Variants in CHRNA4 observed in about 807,000 individuals in gnomAD.
The protein encoded by CHRNA4 is neuronal acetylcholine receptor subunit alpha-4.
Under a neutral mutation model 48.9 loss-of-function variants are expected in CHRNA4, and 28 were observed. The observed-to-expected ratio is 0.57, with a 90% CI of 0.42 to 0.79. CHRNA4 has a LOEUF of 0.79. Among genes scored for constraint, CHRNA4 ranks in the 30% least tolerant of loss-of-function variants. The probability of loss-of-function intolerance (pLI) is 0.00; values close to 1 mark genes in which losing one functional copy is unlikely to be tolerated. For synonymous variants in CHRNA4, 425 were observed against 402.3 expected (o/e 1.06, Z -0.68); for missense variants, 859 against 898.4 (o/e 0.96, Z 0.56).
rs746586749 is a variant in CHRNA4 at position 63,345,455 on chromosome 20, T to C, written c.*1283A>G. ...AGGGGAAGTGTGCCCCTGGGGACAC[T>C]GGGGGGCTGCCGGGTGCGCCATCTT... On this transcript the variant is annotated 3_prime_UTR_variant, in exon 6 of 6. Coordinates refer to ENST00000370263, the MANE Select transcript of CHRNA4 (RefSeq NM_000744.7). The surrounding 1 kb of genome is among the most constrained non-coding windows in gnomAD (Gnocchi z 5.4). 35 of 384,440 alleles carry C rather than the reference T, an allele frequency of 9.1e-5. No homozygotes were observed. Among genetic ancestry groups the C allele is most frequent in the Non-Finnish European group, 1.8e-4 (33 of 187,944 alleles). The allele number at this position is 384,440 out of a possible 1,614,324, so 23.8% of individuals were successfully genotyped here. A position where few individuals can be genotyped will look rare whatever the true frequency, so the allele number is the denominator to read the frequency against.
chr20:63,360,544 G>A (rs1488034314), intron 1 of CHRNA4, among the ~76,000 whole-genome samples: 1 of 152,154 alleles, frequency 6.6e-6, no homozygotes, highest in Non-Finnish European at 1.5e-5. Context: ...CCTCCCTGGT[G>A]GGTCCCGCTG....
chr20:63,356,742 C>T (rs2068724488), intron 2 of CHRNA4: 2 of 475,700 alleles, frequency 4.2e-6, no homozygotes, highest in African/African-American at 3.9e-5. Flanking sequence ...CTTGCTCCCT[C>T]CCGGCCCTTG....
At chr20:63,353,771 G>T (rs2068660019) in intron 4 of CHRNA4, among the ~76,000 whole-genome samples, 1 of 82,570 alleles carries the variant, frequency 1.2e-5, no homozygotes, top group Non-Finnish European at 2.6e-5. Context: ...TAGTCCTAGG[G>T]GGCTGCGGTC....
At chr20:63,359,913 G>GTGTGCCGGGCGTGCGC (rs1555840827) in intron 1 of CHRNA4, 3 of 519,444 alleles carry the variant, frequency 5.8e-6, no homozygotes, top group East Asian at 3.4e-5. Flanking sequence ...GTGTGTGTGT[G>GTGTGCCGGGCGTGCGC]TGTGTGTGTG....
chr20:63,361,194 C>A lies in CHRNA4; in HGVS notation c.-29G>T. The A allele has an allele frequency of 1.4e-6, 2 of 1,458,218 alleles. No homozygotes were observed. The highest frequency in any genetic ancestry group is 1.8e-6 in the Non-Finnish European group (2 of 1,108,168). 90.3% of individuals were successfully genotyped at this position (1,458,218 alleles called of 1,614,324 possible). A position where few individuals can be genotyped will look rare whatever the true frequency, so the allele number is the denominator to read the frequency against. ...GCACGCACCTCGCGGGCTCTAGATG[C>A]GGGCGGCTCCCGGCTCCCCGCCGCT... is the stretch of plus-strand genomic sequence containing the variant. On this transcript the variant is annotated 5_prime_UTR_variant, in exon 1 of 6. Coordinates refer to ENST00000370263, the MANE Select transcript of CHRNA4 (RefSeq NM_000744.7).
rs200165451 is a variant in CHRNA4 at position 63,343,924 on chromosome 20, C to T, written c.*2814G>A. ...GTCCACCCCCGGGAACTAACTGGCC[C>T]TAGGAGGAGCAGTCCTGGGTCTGAA... On this transcript the variant is annotated 3_prime_UTR_variant, in exon 6 of 6. Coordinates refer to ENST00000370263, the MANE Select transcript of CHRNA4 (RefSeq NM_000744.7). The T allele has an allele frequency of 6.6e-6, 3 of 454,010 alleles. No homozygotes were observed. The highest frequency in any genetic ancestry group is 4.4e-6 in the Non-Finnish European group (1 of 226,810). 28.1% of individuals were successfully genotyped at this position (454,010 alleles called of 1,614,324 possible).
At chr20:63,353,320 C>T (rs533841838) in intron 4 of CHRNA4, among the ~76,000 whole-genome samples, 1 of 152,290 alleles carries the variant, frequency 6.6e-6, no homozygotes, top group African/African-American at 2.4e-5. Context: ...CCGGAGAGAG[C>T]CTCGGTGACA....
At chr20:63,359,427 G>C in intron 2 of CHRNA4, 121 bp downstream of exon 2, 1 of 1,302,026 alleles carries the variant, frequency 7.7e-7, no homozygotes, top group Non-Finnish European at 1.1e-6. Flanking sequence ...GTACCAGCCC[G>C]GGCCGGACAC....
intron 2 of CHRNA4, 94 bp from the exon 3 acceptor site, chr20:63,356,509 G>A (rs910841147): frequency 2.5e-5 from 33 of 1,328,502 alleles, no homozygotes; most frequent in African/African-American, 4.4e-5. Context: ...ACAAGGACAC[G>A]GCCAGGGCAA....
At position 63,344,336 on chromosome 20, in the gene CHRNA4, G is replaced by A. The variant is rs565780113; in HGVS notation, c.*2402C>T. 8 of 453,380 alleles carry A rather than the reference G, an allele frequency of 1.8e-5. No homozygotes were observed. The highest frequency in any genetic ancestry group is 3.5e-5 in the Non-Finnish European group (8 of 226,456). 28.1% of individuals were successfully genotyped at this position (453,380 alleles called of 1,614,324 possible). A position where few individuals can be genotyped will look rare whatever the true frequency, so the allele number is the denominator to read the frequency against. ...CAGGAAGGGCTGGAGGGACCTTCTA[G>A]GGGCTGGGTCTCCACTGAAGAGCAT... On this transcript the variant is annotated 3_prime_UTR_variant, in exon 6 of 6. Coordinates refer to ENST00000370263, the MANE Select transcript of CHRNA4 (RefSeq NM_000744.7). This position sits in a 1 kb window ranked among gnomAD's most constrained non-coding sequence, Gnocchi z 4.5.
intron 4 of CHRNA4, chr20:63,354,404 C>T (rs1555839099): frequency 1.4e-5 from 2 of 140,250 alleles, no homozygotes; most frequent in African/African-American, 5.6e-5. Flanking sequence ...CTGCAGGAGG[C>T]ACTGTAGCCC....
At position 63,346,059 on chromosome 20, in the gene CHRNA4, C is replaced by T. The variant is rs762823039; in HGVS notation, c.*679G>A. 11 of 453,780 alleles carry T rather than the reference C, an allele frequency of 2.4e-5. No individual in the cohort carries two copies. The highest frequency in any genetic ancestry group is 6.8e-4 in the Middle Eastern group (1 of 1,462). The allele number at this position is 453,780 out of a possible 1,614,324, so 28.1% of individuals were successfully genotyped here. A position where few individuals can be genotyped will look rare whatever the true frequency, so the allele number is the denominator to read the frequency against. Reference sequence around the variant, plus strand: ...GAGAGCTGGTCCCGCGTGGGCCTCCCGATTCTCCCCACGCGGAACCAGCTC... The same window carrying T: ...GAGAGCTGGTCCCGCGTGGGCCTCCTGATTCTCCCCACGCGGAACCAGCTC... On this transcript the variant is annotated 3_prime_UTR_variant, in exon 6 of 6. Coordinates refer to ENST00000370263, the MANE Select transcript of CHRNA4 (RefSeq NM_000744.7).
In CHRNA4 at chr20:63,346,411, G is replaced by C. The variant is rs201864422; in HGVS notation, c.*327C>G. The C allele has an allele frequency of 1.9e-6, 1 of 527,674 alleles. No homozygotes were observed. The highest frequency in any genetic ancestry group is 1.9e-5 in the African/African-American group (1 of 52,718). 32.7% of individuals were successfully genotyped at this position (527,674 alleles called of 1,614,324 possible). A position where few individuals can be genotyped will look rare whatever the true frequency, so the allele number is the denominator to read the frequency against. ...CAGATCTGCTGAGAGACTGGGAGGA[G>C]TGAGTTCCATCTGCAGGGGAGCTCA... On this transcript the variant is annotated 3_prime_UTR_variant, in exon 6 of 6. Coordinates refer to ENST00000370263, the MANE Select transcript of CHRNA4 (RefSeq NM_000744.7).
intron 5 of CHRNA4, among the ~76,000 whole-genome samples, chr20:63,347,620 G>C (rs948176815): frequency 2.0e-5 from 3 of 152,212 alleles, no homozygotes; most frequent in Admixed American, 2.0e-4. Flanking sequence ...CGAGACAGCC[G>C]CTGTGTGCAG....
chr20:63,360,336 C>T (rs1049885512), intron 1 of CHRNA4, among the ~76,000 whole-genome samples: 1 of 152,086 alleles, frequency 6.6e-6, no homozygotes, highest in African/African-American at 2.4e-5. Context: ...CAGACCCCAA[C>T]GAGGTGCCAG....
At position 63,350,325 on chromosome 20, in the gene CHRNA4, G is replaced by A. The variant is rs74396179; in HGVS notation, c.1086C>T (p.Ser362=). The A allele has an allele frequency of 2.9e-5, 47 of 1,613,348 alleles. No homozygotes were observed. Among genetic ancestry groups the A allele is most frequent in the South Asian group, 2.1e-4 (19 of 91,082 alleles). ...VPRLLLMKRP[S]VVKDNCRRLI... Reference sequence around the variant, plus strand: ...GCCGCCGGCAATTGTCCTTGACCACGGACGGCCGCTTCATGAGGAGCAGGC... The same window carrying A: ...GCCGCCGGCAATTGTCCTTGACCACAGACGGCCGCTTCATGAGGAGCAGGC... The change falls in exon 5 of 6, where the codon TCC becomes TCT. Residue 362 remains serine (S), a synonymous_variant. Coordinates refer to ENST00000370263, the MANE Select transcript of CHRNA4 (RefSeq NM_000744.7).
rs752289948 is a variant in CHRNA4, at chr20:63,349,670, C to A, written c.1741G>T (p.Glu581Ter). Residue 581 changes from glutamate (E) to a stop codon, truncating the protein, a stop_gained, in exon 5 of 6, where the codon GAA becomes TAA. Transcript: ENST00000370263. LOFTEE classifies it high-confidence loss of function. Reference sequence around the variant, plus strand: ...GGACTTACCGAGAAGTCTGTGTCTTCGGCCTTCAGGTGGTCTGCAATGTAC... The same window carrying A: ...GGACTTACCGAGAAGTCTGTGTCTTAGGCCTTCAGGTGGTCTGCAATGTAC... ...VQYIADHLKA[E>*]DTDFSVKEDW... 6.2e-7 allele frequency: 1 copy of A among 1,612,840 alleles called. No individual in the cohort carries two copies. The highest frequency in any genetic ancestry group is 8.5e-7 in the Non-Finnish European group (1 of 1,179,882).
In CHRNA4 at chr20:63,349,717, G is replaced by A. The variant is rs1415550539; in HGVS notation, c.1694C>T (p.Thr565Ile). ...PPHLPLSPAL[T>I]RAVEGVQYIA... ...GTACTGGACGCCCTCCACCGCCCGG[G>A]TCAGGGCCGGCGACAGGGGCAGGTG... Residue 565 changes from threonine to isoleucine, a missense_variant, in exon 5 of 6, where the codon ACC becomes ATC. Thr to Ile is a moderately conservative substitution (Grantham distance 89). This residue lies in a region of CHRNA4 where 478 missense variants were observed against 455.4 expected (regional missense o/e 1.05). Transcript: ENST00000370263. The A allele has an allele frequency of 6.2e-7, 1 of 1,612,868 alleles. No individual in the cohort carries two copies. The highest frequency in any genetic ancestry group is 1.1e-5 in the South Asian group (1 of 91,084).
intron 4 of CHRNA4, among the ~76,000 whole-genome samples, chr20:63,352,794 G>A (rs13039298): frequency 5.9e-5 from 9 of 152,052 alleles, no homozygotes; most frequent in Non-Finnish European, 1.3e-4. Flanking sequence ...TCCTCTGCCC[G>A]CGCCACAGGA....
Sources: allele counts gnomAD v4.1 joint callset (sites outside exome capture counted in the v4.1 genomes callset), GRCh38; gene constraint gnomAD v4.1.1; regional missense constraint gnomAD v4.1.1; non-coding constraint Gnocchi (gnomAD v3.1); transcripts MANE v1.5; gene names NCBI Gene and HGNC (gene_info 2026-07-23, HGNC 2026-07-21).